ULK4: variants seen among roughly 807,000 people sequenced by gnomAD.
The protein encoded by ULK4 is unc-51 like kinase 4, also known as inactive serine/threonine-protein kinase ULK4.
In ULK4, 133 loss-of-function variants were observed where a neutral mutation model predicts 160.6. The observed-to-expected ratio is 0.83, with a 90% CI of 0.72 to 0.96. The LOEUF (loss-of-function observed/expected upper bound fraction) is 0.96. ULK4 is among the 40% of genes least tolerant of loss of function. ULK4 has a pLI of 0.00. For synonymous variants in ULK4, 534 were observed against 539.8 expected, an observed-to-expected ratio of 0.99 and a Z score of 0.15; for missense variants, 1,580 against 1,499.5, an observed-to-expected ratio of 1.05 and a Z score of -0.89.
At position 41,249,552 on chromosome 3, in the gene ULK4, A is replaced by C. The variant is rs1559486267; in HGVS notation, c.3701T>G (p.Leu1234Trp). 3 of 1,614,054 alleles carry C rather than the reference A, an allele frequency of 1.9e-6. No individual in the cohort carries two copies. Among genetic ancestry groups the C allele is most frequent in the African/African-American group, 2.7e-5 (2 of 75,056 alleles). ...GCTGCCTGCATTCTTGAGGCTCTCC[A>C]AGTGCTTCTCATTGGAGGTGATCTG... ...RRMITSNEKH[L>W]ESLKNAGSLL... The change falls in exon 36 of 37, where the codon TTG (leucine) becomes TGG (tryptophan). Residue 1234 changes from leucine to tryptophan, a missense_variant. By Grantham distance (61) the Leu-to-Trp change is moderately conservative. Transcript: ENST00000301831.
chr3:41,274,306 C>G (rs1462889140), intron 35 of ULK4, among the ~76,000 whole-genome samples: 1 of 152,120 alleles, frequency 6.6e-6, no homozygotes, highest in African/African-American at 2.4e-5. Flanking sequence ...GGTTGGATAC[C>G]TGTGATATTT....
chr3:41,694,398 C>G (rs999035636), intron 27 of ULK4, among the ~76,000 whole-genome samples: 2 of 152,054 alleles, frequency 1.3e-5, no homozygotes, highest in Admixed American at 6.6e-5. Flanking sequence ...AAGCTATGGA[C>G]CCCAGAGCAG....
chr3:41,897,713 C>T (rs1442190815), intron 14 of ULK4, among the ~76,000 whole-genome samples: 2 of 152,168 alleles, frequency 1.3e-5, no homozygotes, highest in African/African-American at 4.8e-5. Context: ...AAACGTCCTT[C>T]TACACAGTTT....
rs1481641436 is a variant in ULK4, at chr3:41,733,129, AAAT to A, written c.2322-15271_2322-15269del. 3.3e-5 allele frequency among the ~76,000 whole-genome samples: 5 copies of A among 152,258 alleles called. No individual in the cohort carries two copies. The South Asian group carries it at 6.2e-4, about 19-fold the overall frequency. ...GATTTTTAATGTTCTCACCACAAGAAAATAATAAACGTTTGCAGTGATATGCTA... is the reference window on the plus strand; with the variant it reads ...GATTTTTAATGTTCTCACCACAAGAAAATAAACGTTTGCAGTGATATGCTA... On this transcript the variant is annotated intron_variant, in intron 22 of 36. Transcript: ENST00000301831.
chr3:41,958,583 G>A (rs904228472), intron 1 of ULK4, among the ~76,000 whole-genome samples: 8 of 151,228 alleles, frequency 5.3e-5, no homozygotes, highest in South Asian at 2.1e-4. Flanking sequence ...ATGGTGGCGC[G>A]CACCTGTAAT....
intron 35 of ULK4, among the ~76,000 whole-genome samples, chr3:41,331,113 C>T (rs923838650): frequency 6.6e-5 from 10 of 152,162 alleles, no homozygotes; most frequent in Non-Finnish European, 5.9e-5. Flanking sequence ...GGCAGCTACC[C>T]GCAAGCCAAC....
intron 35 of ULK4, among the ~76,000 whole-genome samples, chr3:41,261,186 T>C (rs1030799696): frequency 7.1e-6 from 1 of 140,718 alleles, no homozygotes; most frequent in Non-Finnish European, 1.5e-5. Context: ...ATTAAATAAG[T>C]AAAAAGCCTT....
chr3:41,579,351 G>T lies in ULK4; in HGVS notation c.3121-13221C>A, dbSNP rs141691980. Among the ~76,000 whole-genome samples the T allele has an allele frequency of 8.6e-3, 1,306 of 152,176 alleles. 10 individuals carry two copies. The highest frequency in any genetic ancestry group is 0.037 in the South Asian group (178 of 4,812). The stretch of plus-strand genomic sequence containing the variant: ...AGGATAGGGATAAGGAAGGAAGGAG[G>T]AACAGATGGCTTTACCCATGAAGAA... On this transcript the variant is annotated intron_variant, in intron 31 of 36. Transcript: ENST00000301831.
At chr3:41,544,546 A>G (rs546575431) in intron 32 of ULK4, among the ~76,000 whole-genome samples, 7 of 152,338 alleles carry the variant, frequency 4.6e-5, no homozygotes, top group African/African-American at 1.7e-4. Flanking sequence ...GGAGTTTTGC[A>G]AAGTCTCCAG....
intron 32 of ULK4, among the ~76,000 whole-genome samples, chr3:41,529,073 T>C (rs1421688119): frequency 6.6e-6 from 1 of 152,226 alleles, no homozygotes; most frequent in Non-Finnish European, 1.5e-5. Context: ...CCAAAGCGCA[T>C]CTTGAGAGAA....
At chr3:41,761,124 AG>A (rs1240999595) in intron 21 of ULK4, among the ~76,000 whole-genome samples, 1 of 152,108 alleles carries the variant, frequency 6.6e-6, no homozygotes, top group Non-Finnish European at 1.5e-5. Flanking sequence ...AAGCAGCACA[AG>A]GTCATTCTTT....
rs371556887 is a variant in ULK4 at position 41,581,590 on chromosome 3, T to C, written c.3121-15460A>G. Among the ~76,000 whole-genome samples, 10 of 152,334 alleles carry C rather than the reference T, an allele frequency of 6.6e-5. No homozygotes were observed. In the South Asian group the frequency reaches 1.0e-3, roughly 16 times the overall value. ...AAAAAATAATCTCCACTGCACACAA[T>C]TGAATGTCATTTCTTTGACAATCTA... On this transcript the variant is annotated intron_variant, in intron 31 of 36. Coordinates refer to ENST00000301831, the MANE Select transcript of ULK4 (RefSeq NM_017886.4).
chr3:41,395,134 G>C (rs146539143), intron 35 of ULK4, among the ~76,000 whole-genome samples: 29 of 150,332 alleles, frequency 1.9e-4, no homozygotes, highest in African/African-American at 7.1e-4. Context: ...CTGATTCCAA[G>C]GCTGCAGCAG....
chr3:41,862,611 AC>A (rs1165154072), intron 17 of ULK4, among the ~76,000 whole-genome samples: 1 of 152,054 alleles, frequency 6.6e-6, no homozygotes, highest in African/African-American at 2.4e-5. Flanking sequence ...TTTAGGGGGC[AC>A]CCCGTGCCCA....
intron 21 of ULK4, among the ~76,000 whole-genome samples, chr3:41,767,131 A>C (rs1280680928): frequency 1.3e-5 from 2 of 152,180 alleles, no homozygotes; most frequent in African/African-American, 4.8e-5. Flanking sequence ...AATACTGTAA[A>C]TTATTTTGTT....
At chr3:41,357,199 A>C (rs956673687) in intron 35 of ULK4, among the ~76,000 whole-genome samples, 1 of 152,242 alleles carries the variant, frequency 6.6e-6, no homozygotes, top group East Asian at 1.9e-4. Flanking sequence ...AGCAGATGTT[A>C]CAATCTCCAG....
chr3:41,499,725 A>G (rs989125471), intron 32 of ULK4, among the ~76,000 whole-genome samples: 2 of 152,222 alleles, frequency 1.3e-5, no homozygotes, highest in African/African-American at 4.8e-5. Flanking sequence ...AGGAGCAAAA[A>G]AATAACATGT....
chr3:41,691,595 CA>C (rs1164166631), intron 27 of ULK4, among the ~76,000 whole-genome samples: 2 of 151,840 alleles, frequency 1.3e-5, no homozygotes, highest in Non-Finnish European at 2.9e-5. Context: ...TTCTCTCTTC[CA>C]AATATCCATT....
chr3:41,366,259 C>T (rs1247192103), intron 35 of ULK4, among the ~76,000 whole-genome samples: 3 of 152,164 alleles, frequency 2.0e-5, no homozygotes, highest in South Asian at 4.1e-4. Context: ...AAACTTACTT[C>T]AGTGGAAAAC....
Sources: gnomAD v4.1 joint callset for allele counts (sites outside exome capture counted in the v4.1 genomes callset) on GRCh38, gnomAD v4.1.1 for gene constraint, MANE v1.5 for transcripts, NCBI Gene and HGNC (gene_info 2026-07-23, HGNC 2026-07-21) for gene names.